Variants in UBE2W observed in about 807,000 individuals in gnomAD.
UBE2W encodes the protein ubiquitin conjugating enzyme E2 W.
In UBE2W, 18 loss-of-function variants were observed where a neutral mutation model predicts 27.2. The observed-to-expected ratio is 0.66, with a 90% confidence interval of 0.46 to 0.98. UBE2W has a LOEUF of 0.98. UBE2W is among the 50% of genes least tolerant of loss of function. UBE2W has a pLI of 0.00. For missense variants in UBE2W, 90 were observed against 180.2 expected (o/e 0.50, Z 2.87); for synonymous variants, 53 against 57.2 (o/e 0.93, Z 0.33).
chr8:73,825,149 G>A lies in UBE2W; in HGVS notation c.208C>T (p.Gln70Ter). 6.5e-7 allele frequency: 1 copy of A among 1,543,750 alleles called. No homozygotes were observed. Among genetic ancestry groups the A allele is most frequent in the Non-Finnish European group, 8.7e-7 (1 of 1,143,524 alleles). The change falls in exon 3 of 6, where the codon CAG becomes TAG. Residue 70 changes from glutamine (Q) to a stop codon, truncating the protein, a stop_gained and splice_region_variant. Transcript: ENST00000602593. LOFTEE classifies it high-confidence loss of function. ...FSSRYPFDSPQVMFTGENIPV... is the reference protein window; with the variant it reads ...FSSRYPFDSP ...AAAATTTAAAGCAAGGCAATTACCTGAGGAGAGTCAAAAGGATATCGACTA... is the reference window on the plus strand; with the variant it reads ...AAAATTTAAAGCAAGGCAATTACCTAAGGAGAGTCAAAAGGATATCGACTA...
At position 73,793,750 on chromosome 8, in the gene UBE2W, G is replaced by A. The variant is rs1270776729; in HGVS notation, c.*352C>T. The stretch of plus-strand genomic sequence containing the variant: ...TTTTCCTGTTACAACGCCCATTGCC[G>A]GCAATGAACGTACCAAAACCGCCAA... On this transcript the variant is annotated 3_prime_UTR_variant, in exon 6 of 6. Coordinates refer to ENST00000602593, the MANE Select transcript of UBE2W (RefSeq NM_018299.6). 6 of 1,026,666 alleles carry A rather than the reference G, an allele frequency of 5.8e-6. No individual in the cohort carries two copies. The highest frequency in any genetic ancestry group is 1.7e-5 in the African/African-American group (1 of 58,946). 63.6% of individuals were successfully genotyped at this position (1,026,666 alleles called of 1,614,324 possible).
At chr8:73,872,266 ATTAC>A (rs1812035673) in intron 1 of UBE2W, among the ~76,000 whole-genome samples, 2 of 152,222 alleles carry the variant, frequency 1.3e-5, no homozygotes, top group African/African-American at 4.8e-5. Flanking sequence ...ATATTTGTCC[ATTAC>A]TTAACACTTC....
intron 1 of UBE2W, among the ~76,000 whole-genome samples, chr8:73,866,628 AC>A (rs1811784758): frequency 6.6e-6 from 1 of 151,996 alleles, no homozygotes; most frequent in Non-Finnish European, 1.5e-5. Context: ...AATCTCCATC[AC>A]CCCCTGGATT....
intron 1 of UBE2W, among the ~76,000 whole-genome samples, chr8:73,866,900 G>A (rs374087207): frequency 7.3e-5 from 11 of 151,716 alleles, no homozygotes; most frequent in African/African-American, 2.7e-4. Context: ...AGCTACTCAA[G>A]AGGCTGAGGC....
intron 3 of UBE2W, among the ~76,000 whole-genome samples, chr8:73,819,263 C>T (rs1466372144): frequency 1.3e-5 from 2 of 152,156 alleles, no homozygotes; most frequent in East Asian, 1.9e-4. Context: ...GTATTCTACT[C>T]GTTGCTTACT....
At chr8:73,820,813 T>C (rs1437076854) in intron 3 of UBE2W, among the ~76,000 whole-genome samples, 1 of 151,708 alleles carries the variant, frequency 6.6e-6, no homozygotes, top group East Asian at 1.9e-4. Context: ...AAGCCAGGCA[T>C]GGCGGCAGAT....
chr8:73,796,769 T>G, intron 5 of UBE2W: 11 of 477,354 alleles, frequency 2.3e-5, no homozygotes, highest in Non-Finnish European at 2.7e-5. Context: ...ATCCTTTTTC[T>G]AAATAGGATG....
In UBE2W at chr8:73,792,703, T is replaced by C; in HGVS notation, c.*1399A>G. The C allele has an allele frequency of 1.0e-5, 10 of 984,822 alleles. No individual in the cohort carries two copies. Among genetic ancestry groups the C allele is most frequent in the Non-Finnish European group, 1.2e-5 (10 of 828,998 alleles). The allele number at this position is 984,822 out of a possible 1,614,324, so 61.0% of individuals were successfully genotyped here. On this transcript the variant is annotated 3_prime_UTR_variant, in exon 6 of 6. Coordinates refer to ENST00000602593, the MANE Select transcript of UBE2W (RefSeq NM_018299.6). ...AGATTTTGCATATGTGAAAAGGTAA[T>C]TTATAAAATACATTAATCACTTTTT...
At chr8:73,847,132 G>A (rs1262745963) in intron 1 of UBE2W, among the ~76,000 whole-genome samples, 2 of 152,166 alleles carry the variant, frequency 1.3e-5, no homozygotes, top group East Asian at 3.9e-4. Context: ...TTGCGCCACC[G>A]CATTCCAGCC....
At chr8:73,802,110 G>A (rs895700437) in intron 5 of UBE2W, among the ~76,000 whole-genome samples, 10 of 152,120 alleles carry the variant, frequency 6.6e-5, no homozygotes, top group African/African-American at 2.4e-4. Context: ...ATGTTTTTTA[G>A]GACAGATTCT....
In UBE2W at chr8:73,790,984, T is replaced by C. The variant is rs1324058143; in HGVS notation, c.*3118A>G. The C allele has an allele frequency of 2.8e-5, 27 of 981,734 alleles. No individual in the cohort carries two copies. The highest frequency in any genetic ancestry group is 3.0e-5 in the Non-Finnish European group (25 of 826,742). 60.8% of individuals were successfully genotyped at this position (981,734 alleles called of 1,614,324 possible). A position where few individuals can be genotyped will look rare whatever the true frequency, so the allele number is the denominator to read the frequency against. On this transcript the variant is annotated 3_prime_UTR_variant, in exon 6 of 6. Coordinates refer to ENST00000602593, the MANE Select transcript of UBE2W (RefSeq NM_018299.6). ...GTAATAAACTATTCTAGTTATTTTA[T>C]ACCAAATATTGATATTCCTAGTCAA...
At chr8:73,824,017 T>C (rs910922771) in intron 3 of UBE2W, among the ~76,000 whole-genome samples, 8 of 152,238 alleles carry the variant, frequency 5.3e-5, no homozygotes, top group African/African-American at 9.6e-5. Context: ...TTGGTTGTAT[T>C]TTCCAGAATA....
At chr8:73,807,812 C>T (rs1808980114) in intron 4 of UBE2W, among the ~76,000 whole-genome samples, 1 of 152,178 alleles carries the variant, frequency 6.6e-6, no homozygotes. Context: ...AATCATTTAT[C>T]TCCCTGACAA....
intron 1 of UBE2W, chr8:73,831,173 G>C (rs1236196124): frequency 1.3e-5 from 6 of 454,056 alleles, no homozygotes; most frequent in Non-Finnish European, 2.5e-5. Flanking sequence ...AGAGCCTCAA[G>C]AGCACAGCCA....
At chr8:73,838,738 A>T (rs903859866) in intron 1 of UBE2W, among the ~76,000 whole-genome samples, 4 of 152,214 alleles carry the variant, frequency 2.6e-5, no homozygotes, top group African/African-American at 9.6e-5. Context: ...TCAAGAGATT[A>T]ATATACCCAC....
chr8:73,866,718 C>T (rs1346409771), intron 1 of UBE2W, among the ~76,000 whole-genome samples: 2 of 152,040 alleles, frequency 1.3e-5, no homozygotes, highest in East Asian at 3.9e-4. Context: ...TTTTGTGCTT[C>T]AAATGACACT....
chr8:73,849,428 C>T (rs1350861121), intron 1 of UBE2W, among the ~76,000 whole-genome samples: 4 of 135,238 alleles, frequency 3.0e-5, no homozygotes, highest in Non-Finnish European at 6.1e-5. Context: ...AGGATAATAG[C>T]TTGAACAGCG....
intron 4 of UBE2W, among the ~76,000 whole-genome samples, chr8:73,806,315 C>A (rs1808903942): frequency 6.6e-6 from 1 of 152,016 alleles, no homozygotes; most frequent in Non-Finnish European, 1.5e-5. Flanking sequence ...TGCTTGAACC[C>A]AGAAGGTGGA....
chr8:73,877,085 G>A (rs1282608727), intron 1 of UBE2W, among the ~76,000 whole-genome samples: 2 of 152,156 alleles, frequency 1.3e-5, no homozygotes, highest in Non-Finnish European at 2.9e-5. Flanking sequence ...ACGTTCTCTT[G>A]TCAAATACAA....
Sources: gnomAD v4.1 joint callset for allele counts (sites outside exome capture counted in the v4.1 genomes callset) on GRCh38, gnomAD v4.1.1 for gene constraint, MANE v1.5 for transcripts, NCBI Gene and HGNC (gene_info 2026-07-23, HGNC 2026-07-21) for gene names.